CFAP299: variants seen among roughly 807,000 people sequenced by gnomAD.
CFAP299 encodes the protein cilia- and flagella-associated protein 299.
In CFAP299, 21 loss-of-function variants were observed where a neutral mutation model predicts 27.0. The observed-to-expected ratio is 0.78, with a 90% confidence interval of 0.55 to 1.12. The LOEUF (loss-of-function observed/expected upper bound fraction) is 1.12, where lower values mean the gene tolerates loss of function less well. CFAP299 is among the 50% of genes most tolerant of loss of function. The probability of loss-of-function intolerance (pLI) is 0.00; values close to 1 mark genes in which losing one functional copy is unlikely to be tolerated. For missense variants in CFAP299, 310 were observed against 276.6 expected, an observed-to-expected ratio of 1.12 and a Z score of -0.86; for synonymous variants, 104 against 98.1, an observed-to-expected ratio of 1.06 and a Z score of -0.36.
intron 4 of CFAP299, among the ~76,000 whole-genome samples, chr4:80,944,298 A>C (rs529691830): frequency 3.9e-5 from 6 of 152,104 alleles, no homozygotes; most frequent in Non-Finnish European, 8.8e-5. Context: ...GATAGCATAG[A>C]TCACATCACG....
intron 2 of CFAP299, 59 bp from the exon 3 acceptor site, chr4:80,583,034 G>C (rs148301535): frequency 9.3e-7 from 1 of 1,073,566 alleles, no homozygotes; most frequent in African/African-American, 1.6e-5. Context: ...GTTGGCTCCA[G>C]AGTGTTGGAA....
intron 3 of CFAP299, among the ~76,000 whole-genome samples, chr4:80,867,375 A>G (rs1363711461): frequency 1.3e-5 from 2 of 152,062 alleles, no homozygotes; most frequent in Non-Finnish European, 2.9e-5. Flanking sequence ...TATATGATAC[A>G]TATATATATT....
intron 3 of CFAP299, among the ~76,000 whole-genome samples, chr4:80,710,523 A>G (rs1160652543): frequency 4.2e-5 from 6 of 142,828 alleles, no homozygotes; most frequent in Non-Finnish European, 9.1e-5. Context: ...GTAAGTTGGA[A>G]TATCAAGCAT....
At chr4:80,641,534 G>T (rs374132783) in intron 3 of CFAP299, among the ~76,000 whole-genome samples, 2 of 152,158 alleles carry the variant, frequency 1.3e-5, no homozygotes, top group Non-Finnish European at 2.9e-5. Flanking sequence ...GTTCAAAATG[G>T]TATTTAGCTG....
intron 5 of CFAP299, among the ~76,000 whole-genome samples, chr4:80,947,827 A>T: frequency 6.6e-6 from 1 of 152,178 alleles, no homozygotes; most frequent in Non-Finnish European, 1.5e-5. Context: ...AAGATCCAAG[A>T]TCTTTTTTAT....
intron 2 of CFAP299, among the ~76,000 whole-genome samples, chr4:80,432,391 T>G (rs1727861845): frequency 6.6e-6 from 1 of 152,174 alleles, no homozygotes; most frequent in South Asian, 2.1e-4. Context: ...GATCTTGTGA[T>G]CCACCTGTCT....
At chr4:80,917,488 G>T (rs1280024803) in intron 4 of CFAP299, among the ~76,000 whole-genome samples, 1 of 152,120 alleles carries the variant, frequency 6.6e-6, no homozygotes, top group Non-Finnish European at 1.5e-5. Context: ...GGTACAGGAA[G>T]CTGGTCTTCT....
intron 2 of CFAP299, among the ~76,000 whole-genome samples, chr4:80,447,103 TTTTTGC>T (rs1728652233): frequency 6.7e-6 from 1 of 149,254 alleles, no homozygotes; most frequent in Admixed American, 6.7e-5. Flanking sequence ...TTTGTTTTTG[TTTTTGC>T]TTTTTATTTG....
At chr4:80,813,777 T>C (rs536353291) in intron 3 of CFAP299, among the ~76,000 whole-genome samples, 1 of 152,056 alleles carries the variant, frequency 6.6e-6, no homozygotes, top group Admixed American at 6.6e-5. Flanking sequence ...CCTTGCCAAA[T>C]GTGTAAATAC....
chr4:80,778,419 A>C (rs1726675183), intron 3 of CFAP299, among the ~76,000 whole-genome samples: 1 of 152,164 alleles, frequency 6.6e-6, no homozygotes, highest in Non-Finnish European at 1.5e-5. Context: ...CCTCAACTAG[A>C]TGTTATTGTG....
At chr4:80,786,348 C>T (rs1366405186) in intron 3 of CFAP299, among the ~76,000 whole-genome samples, 1 of 152,032 alleles carries the variant, frequency 6.6e-6, no homozygotes, top group East Asian at 1.9e-4. Context: ...TTTGATGTAG[C>T]AGATACAACA....
intron 4 of CFAP299, among the ~76,000 whole-genome samples, chr4:80,941,350 C>G (rs752957062): frequency 6.6e-6 from 1 of 152,148 alleles, no homozygotes; most frequent in Non-Finnish European, 1.5e-5. Context: ...TGCCATGGAT[C>G]TCAGTTTAAG....
chr4:80,340,131 A>G (rs577959365), intron 1 of CFAP299, among the ~76,000 whole-genome samples: 33 of 152,292 alleles, frequency 2.2e-4, no homozygotes, highest in African/African-American at 7.9e-4. Context: ...GAAATATCCA[A>G]GTTTTCACTT....
intron 2 of CFAP299, among the ~76,000 whole-genome samples, chr4:80,434,429 A>C (rs1008393934): frequency 2.0e-5 from 3 of 152,216 alleles, no homozygotes; most frequent in African/African-American, 7.2e-5. Context: ...AGGAAATGTT[A>C]CATCTTTGCT....
intron 3 of CFAP299, among the ~76,000 whole-genome samples, chr4:80,711,223 A>G (rs1264031336): frequency 6.6e-6 from 1 of 152,156 alleles, no homozygotes; most frequent in Non-Finnish European, 1.5e-5. Flanking sequence ...AAAGCAGGGG[A>G]GAGCCGGCTG....
the CFAP299 span, among the ~76,000 whole-genome samples, chr4:80,322,768 GC>G: frequency 2.0e-5 from 3 of 152,254 alleles, no homozygotes; most frequent in South Asian, 4.2e-4. Flanking sequence ...ATGATCTTTG[GC>G]TGGAATTTCA....
intron 2 of CFAP299, among the ~76,000 whole-genome samples, chr4:80,572,913 T>C (rs1355975817): frequency 1.3e-5 from 2 of 152,138 alleles, no homozygotes; most frequent in African/African-American, 4.8e-5. Context: ...ATCTTGGCTA[T>C]TGTGAAAAAT....
chr4:80,602,486 A>C (rs1737407327), intron 3 of CFAP299, among the ~76,000 whole-genome samples: 1 of 152,224 alleles, frequency 6.6e-6, no homozygotes, highest in Admixed American at 6.5e-5. Flanking sequence ...AACTAATTGA[A>C]CAATCATTAA....
chr4:80,411,603 C>T (rs567643029), intron 2 of CFAP299, among the ~76,000 whole-genome samples: 26 of 151,690 alleles, frequency 1.7e-4, no homozygotes, highest in African/African-American at 5.8e-4. Flanking sequence ...TATAGCAACC[C>T]GAAGCTATAT....
Sources: allele counts gnomAD v4.1 joint callset (sites outside exome capture counted in the v4.1 genomes callset), GRCh38; gene constraint gnomAD v4.1.1; transcripts MANE v1.5; gene names NCBI Gene and HGNC (gene_info 2026-07-23, HGNC 2026-07-21).